Variants in ELP2 observed in about 807,000 individuals in gnomAD.
The protein encoded by ELP2 is elongator acetyltransferase complex subunit 2.
ELP2 carries 90 observed loss-of-function variants against 119.2 expected under a neutral mutation model. That is an observed-to-expected ratio of 0.75 (90% CI 0.64 to 0.90). The LOEUF is 0.90. Ranked by LOEUF, ELP2 falls within the 40% of genes least tolerant of loss-of-function variation. The probability of loss-of-function intolerance (pLI) is 0.00; values close to 1 mark genes in which losing one functional copy is unlikely to be tolerated. For missense variants in ELP2, 921 were observed against 967.8 expected (o/e 0.95, Z 0.64); for synonymous variants, 339 against 331.0 (o/e 1.02, Z -0.26).
At chr18:36,136,218 GGGGTATTGTTTTTTGGT>G in intron 2 of ELP2, 72 bp from the exon 3 acceptor site, 1 of 916,594 alleles carries the variant, frequency 1.1e-6, no homozygotes, top group Non-Finnish European at 1.8e-6. Context: ...AGAGGGTACA[GGGGTATTGTTTTTTGGT>G]GTAGCTTGGA....
At chr18:36,159,117 T>C (rs2090655470) in intron 14 of ELP2, among the ~76,000 whole-genome samples, 1 of 149,160 alleles carries the variant, frequency 6.7e-6, no homozygotes, top group Non-Finnish European at 1.5e-5. Flanking sequence ...TTTTTCCCTT[T>C]TTTTTTTTTT....
At chr18:36,136,189 C>T in intron 2 of ELP2, 118 bp from the exon 3 acceptor site, 1 of 735,370 alleles carries the variant, frequency 1.4e-6, no homozygotes, top group Non-Finnish European at 2.4e-6. Context: ...CAAAATGTTA[C>T]CAGTTTGTGA....
intron 1 of ELP2, 61 bp downstream of exon 1, chr18:36,130,132 T>G (rs2089545742): frequency 1.9e-6 from 3 of 1,609,102 alleles, no homozygotes; most frequent in Non-Finnish European, 2.5e-6. Context: ...GTGGACGTGC[T>G]CCGGGCGCGC....
In ELP2 at chr18:36,154,956, C is replaced by G. The variant is rs1244071220; in HGVS notation, c.1232C>G (p.Thr411Arg). 1 of 1,613,926 alleles carries G rather than the reference C, an allele frequency of 6.2e-7. No individual in the cohort carries two copies. The highest frequency in any genetic ancestry group is 1.7e-5 in the Admixed American group (1 of 60,030). Reference sequence around the variant, plus strand: ...ATTATCACTGTTGGTACTGATCAGACAACTAGACTTTTTGCTCCATGGAAG... The same window carrying G: ...ATTATCACTGTTGGTACTGATCAGAGAACTAGACTTTTTGCTCCATGGAAG... Reference protein sequence around the residue: ...EFIITVGTDQTTRLFAPWKRK... With the variant: ...EFIITVGTDQRTRLFAPWKRK... Residue 411 changes from threonine to arginine, a missense_variant, in exon 12 of 22, where the codon ACA becomes AGA. Coordinates refer to ENST00000358232, the MANE Select transcript of ELP2 (RefSeq NM_018255.4).
chr18:36,132,821 T>A (rs1954242851), intron 1 of ELP2, among the ~76,000 whole-genome samples: 1 of 152,090 alleles, frequency 6.6e-6, no homozygotes, highest in Admixed American at 6.5e-5. Flanking sequence ...GGAGGGCTTT[T>A]TTTTTTTTCT....
At chr18:36,161,080 T>G in intron 17 of ELP2, 76 bp downstream of exon 17, 1 of 1,057,060 alleles carries the variant, frequency 9.5e-7, no homozygotes, top group Non-Finnish European at 1.5e-6. Flanking sequence ...TTGGTAATGA[T>G]TTAGGCAGAA....
At chr18:36,133,395 T>A (rs917636633) in intron 2 of ELP2, 79 bp downstream of exon 2, 1 of 997,068 alleles carries the variant, frequency 1.0e-6, no homozygotes. Context: ...TCTCATCACT[T>A]CTCTTAATTT....
At position 36,146,060 on chromosome 18, in the gene ELP2, G is replaced by A; in HGVS notation, c.993+12G>A. ...TTTGGCTAGAACAGGTAAAAATGTT[G>A]GATATTTAAGGAACAGAAAATTAAG... On this transcript the variant is annotated intron_variant, in intron 10 of 21. Transcript: ENST00000358232. The A allele has an allele frequency of 6.2e-7, 1 of 1,610,062 alleles. No homozygotes were observed. The highest frequency in any genetic ancestry group is 8.5e-7 in the Non-Finnish European group (1 of 1,176,496).
rs528024839 is a variant in ELP2, at chr18:36,160,659, G to A, written c.1689-273G>A. Among the ~76,000 whole-genome samples the A allele has an allele frequency of 7.9e-5, 12 of 151,692 alleles. No individual in the cohort carries two copies. In the East Asian group the frequency reaches 2.1e-3, roughly 27 times the overall value. On this transcript the variant is annotated intron_variant, in intron 16 of 21. Coordinates refer to ENST00000358232, the MANE Select transcript of ELP2 (RefSeq NM_018255.4). ...TGGTTCCTGATGAAGACTTTTCCAT[G>A]TTTTATTGTTTAGATACTGGCTGGT...
In ELP2 at chr18:36,130,057, C is replaced by A. The variant is rs1176888439; in HGVS notation, c.124C>A (p.Leu42Ile). 1 of 1,614,034 alleles carries A rather than the reference C, an allele frequency of 6.2e-7. No individual in the cohort carries two copies. Among genetic ancestry groups the A allele is most frequent in the Non-Finnish European group, 8.5e-7 (1 of 1,180,032 alleles). ...CTTTGGCACGTCCTGCTCCGTGGTG[C>A]TCTATGACCCCCTGGTAAGAGAGGT... ...LAFGTSCSVV[L>I]YDPLKRVVVT... The change falls in exon 1 of 22, where the codon CTC becomes ATC. Residue 42 changes from leucine to isoleucine, a missense_variant. By Grantham distance (5) the Leu-to-Ile change is conservative. Coordinates refer to ENST00000358232, the MANE Select transcript of ELP2 (RefSeq NM_018255.4).
rs2089842845 is a variant in ELP2, at chr18:36,136,822, A to G, written c.288+445A>G. On this transcript the variant is annotated intron_variant, in intron 3 of 21. Transcript: ENST00000358232. ...GTCATTTTGGAATAATTTTCAAACT[A>G]TTCTTACTTGGGCTGATCTGTTTTC... Among the ~76,000 whole-genome samples the G allele has an allele frequency of 2.6e-5, 4 of 152,196 alleles. No individual in the cohort carries two copies. In the South Asian group the frequency reaches 6.2e-4, roughly 24 times the overall value.
In ELP2 at chr18:36,156,535, C is replaced by T. The variant is rs771849118; in HGVS notation, c.1345C>T (p.Arg449Trp). 5.0e-6 allele frequency: 8 copies of T among 1,613,952 alleles called. No individual in the cohort carries two copies. Among genetic ancestry groups the T allele is most frequent in the East Asian group, 2.2e-5 (1 of 44,868 alleles). ...YDLKCLAMIN[R>W]FQFVSGADEK... is the part of the protein sequence containing the mutation. The stretch of plus-strand genomic sequence containing the variant: ...CCTGAAATGTTTGGCAATGATTAAT[C>T]GGTTTCAGTTTGTATCTGGAGCAGA... Residue 449 changes from arginine to tryptophan, a missense_variant, in exon 13 of 22, where the codon CGG (arginine) becomes TGG (tryptophan). Arg to Trp is a moderately radical substitution (Grantham distance 101, BLOSUM62 -3). Transcript: ENST00000358232.
At chr18:36,154,038 C>T (rs184814561) in intron 11 of ELP2, among the ~76,000 whole-genome samples, 1 of 147,992 alleles carries the variant, frequency 6.8e-6, no homozygotes, top group East Asian at 2.0e-4. Context: ...TTTTTGTTCA[C>T]AGAGGGAGTA....
chr18:36,166,944 G>A, intron 18 of ELP2, 157 bp from the exon 19 acceptor site: 1 of 597,820 alleles, frequency 1.7e-6, no homozygotes, highest in Admixed American at 3.1e-5. Context: ...GCCTTCTGGT[G>A]AGGGGTTGGT....
At chr18:36,146,133 A>G (rs1567990248) in intron 10 of ELP2, 85 bp downstream of exon 10, 2 of 1,575,978 alleles carry the variant, frequency 1.3e-6, no homozygotes, top group South Asian at 1.1e-5. Flanking sequence ...TAGACCTGCA[A>G]ATTTTCACTG....
Position 36,138,881 on chromosome 18 carries a change from C to G in ELP2, c.523+9C>G. On this transcript the variant is annotated intron_variant, in intron 5 of 21. Transcript: ENST00000358232. The stretch of plus-strand genomic sequence containing the variant: ...TTTGCCAAATACTGATGGTGAGTAT[C>G]CTGTTAAGTATATGTTAAAAGGGCA... 1 of 1,606,386 alleles carries G rather than the reference C, an allele frequency of 6.2e-7. No individual in the cohort carries two copies. The highest frequency in any genetic ancestry group is 8.5e-7 in the Non-Finnish European group (1 of 1,173,406).
chr18:36,138,178 G>T (rs1175157407), intron 3 of ELP2, 92 bp from the exon 4 acceptor site: 2 of 1,369,960 alleles, frequency 1.5e-6, no homozygotes, highest in South Asian at 1.2e-5. Flanking sequence ...CCTATTTCTG[G>T]CTCAGCCATT....
At chr18:36,163,807 A>T (rs890328464) in intron 17 of ELP2, among the ~76,000 whole-genome samples, 3 of 151,990 alleles carry the variant, frequency 2.0e-5, no homozygotes, top group Admixed American at 1.3e-4. Flanking sequence ...ATCTTTTTTG[A>T]TATGATGCCA....
At position 36,159,795 on chromosome 18, in the gene ELP2, A is replaced by G; in HGVS notation, c.1595A>G (p.Tyr532Cys). 1 of 1,614,124 alleles carries G rather than the reference A, an allele frequency of 6.2e-7. No homozygotes were observed. The highest frequency in any genetic ancestry group is 1.7e-4 in the Middle Eastern group (1 of 6,058). ...EELLTSTGFE[Y>C]QQVAFQPSIL... ...CTGTTAACTAGTACTGGTTTTGAGT[A>G]TCAGCAGGTGGCCTTTCAGCCCTCC... The change falls in exon 15 of 22, where the codon TAT becomes TGT. Residue 532 changes from tyrosine to cysteine, a missense_variant. Physicochemically the swap from Tyr to Cys is radical, Grantham distance 194. Coordinates refer to ENST00000358232, the MANE Select transcript of ELP2 (RefSeq NM_018255.4).
Sources: gnomAD v4.1 joint callset for allele counts (sites outside exome capture counted in the v4.1 genomes callset) on GRCh38, gnomAD v4.1.1 for gene constraint, MANE v1.5 for transcripts, NCBI Gene and HGNC (gene_info 2026-07-23, HGNC 2026-07-21) for gene names.